PARVB: variants seen among roughly 807,000 people sequenced by gnomAD.
PARVB encodes beta-parvin.
In PARVB, 46 loss-of-function variants were observed where a neutral mutation model predicts 47.0. That is an observed-to-expected ratio of 0.98 (90% confidence interval 0.77 to 1.25). PARVB has a LOEUF of 1.25. Among genes scored for constraint, PARVB ranks in the 50% most tolerant of loss-of-function variants. The probability of loss-of-function intolerance (pLI) is 0.00; values close to 1 mark genes in which losing one functional copy is unlikely to be tolerated. For missense variants in PARVB, 473 were observed against 471.6 expected (o/e 1.00, Z -0.03); for synonymous variants, 196 against 196.3 (o/e 1.00, Z 0.01).
chr22:44,018,652 T>C (rs977466477), intron 2 of PARVB, among the ~76,000 whole-genome samples: 6 of 152,152 alleles, frequency 3.9e-5, no homozygotes, highest in Non-Finnish European at 8.8e-5. Context: ...GTCGAATTGG[T>C]CTCTGGCTCT....
intron 11 of PARVB, among the ~76,000 whole-genome samples, chr22:44,160,196 ACT>A (rs1461842279): frequency 6.6e-6 from 1 of 151,954 alleles, no homozygotes; most frequent in East Asian, 1.9e-4. Flanking sequence ...ATTTTGGGAG[ACT>A]CTGCAGGCTC....
chr22:44,162,558 T>G (rs181666830), intron 11 of PARVB, among the ~76,000 whole-genome samples: 1 of 152,336 alleles, frequency 6.6e-6, no homozygotes, highest in African/African-American at 2.4e-5. Context: ...TGACTTCAAC[T>G]GATCCACCTG....
intron 4 of PARVB, chr22:44,119,790 T>TAA (rs777937325): frequency 1.9e-6 from 1 of 532,946 alleles, no homozygotes. Flanking sequence ...TGGTTACAGT[T>TAA]ACTGTTCAGA....
In PARVB at chr22:44,068,961, C is replaced by A; in HGVS notation, c.113-24967C>A. ...GTCTGTGGTCAGCAAGGAGCTATCG[C>A]TGGAAACACCCCGGTCCTTCCACAG... On this transcript the variant is annotated intron_variant, in intron 1 of 12. Transcript: ENST00000338758. This position sits in a 1 kb window ranked among gnomAD's most constrained non-coding sequence, Gnocchi z 4.1. 1.6e-6 allele frequency: 1 copy of A among 613,468 alleles called. No homozygotes were observed. The highest frequency in any genetic ancestry group is 2.9e-6 in the Non-Finnish European group (1 of 349,882). The allele number at this position is 613,468 out of a possible 1,614,324, so 38.0% of individuals were successfully genotyped here. A position where few individuals can be genotyped will look rare whatever the true frequency, so the allele number is the denominator to read the frequency against.
At chr22:44,047,236 G>A (rs927552977) in intron 1 of PARVB, among the ~76,000 whole-genome samples, 5 of 152,210 alleles carry the variant, frequency 3.3e-5, no homozygotes, top group African/African-American at 1.2e-4. Flanking sequence ...GGCCTCAGGG[G>A]CTTCTCCTCA....
rs2053734120 is a variant in PARVB at position 44,148,421 on chromosome 22, G to A, written c.774+499G>A. ...AAATCTCCGAGGCTCTGGAGTTGGG[G>A]GCTGGGTGTGATCAGCTTCTGGGGG... On this transcript the variant is annotated intron_variant, in intron 9 of 12. Transcript: ENST00000338758. 2.7e-5 allele frequency: 5 copies of A among 188,458 alleles called. No homozygotes were observed. The South Asian group carries it at 4.2e-4, about 16-fold the overall frequency. 11.7% of individuals were successfully genotyped at this position (188,458 alleles called of 1,614,324 possible). A position where few individuals can be genotyped will look rare whatever the true frequency, so the allele number is the denominator to read the frequency against.
In PARVB at chr22:44,007,679, G is replaced by T. The variant is rs973605806; in HGVS notation, c.211+8006G>T. ...ACAGGCTTTAAAAAAGTTTTTTTTT[G>T]GTAAAATGCACATAAAATGTACCAT... On this transcript the variant is annotated intron_variant, in intron 2 of 13. Transcript: ENST00000406477. Among the ~76,000 whole-genome samples, 11 of 151,750 alleles carry T rather than the reference G, an allele frequency of 7.2e-5. No individual in the cohort carries two copies. The East Asian group carries it at 1.9e-3, about 27-fold the overall frequency.
intron 10 of PARVB, among the ~76,000 whole-genome samples, chr22:44,154,211 T>TC (rs1017791725): frequency 1.3e-5 from 2 of 150,764 alleles, no homozygotes; most frequent in African/African-American, 4.9e-5. Context: ...TTCATTTTTT[T>TC]CCCCCCGATT....
rs117029689 is a variant in PARVB at position 44,139,767 on chromosome 22, C to T, written c.693-357C>T. The stretch of plus-strand genomic sequence containing the variant: ...TGCCCGGCCCAGCCTGTGTTTTGAG[C>T]GTTCCACGGCTGCTGGAAGACCTGT... On this transcript the variant is annotated intron_variant, in intron 7 of 12. Transcript: ENST00000338758. 7.7e-4 allele frequency: 203 copies of T among 264,836 alleles called. 6 individuals are homozygous for T. In the East Asian group the frequency reaches 0.011, roughly 14 times the overall value. The allele number at this position is 264,836 out of a possible 1,614,324, so 16.4% of individuals were successfully genotyped here.
intron 2 of PARVB, among the ~76,000 whole-genome samples, chr22:44,017,349 T>C (rs2050594449): frequency 6.6e-6 from 1 of 152,186 alleles, no homozygotes; most frequent in Non-Finnish European, 1.5e-5. Flanking sequence ...ATGATAAACT[T>C]TACCAAGAAG....
At chr22:44,019,108 G>C (rs1210965513) in intron 2 of PARVB, among the ~76,000 whole-genome samples, 1 of 152,046 alleles carries the variant, frequency 6.6e-6, no homozygotes. Context: ...GTAGAGACAG[G>C]GTTCCACCAT....
At position 44,068,954 on chromosome 22, in the gene PARVB, G is replaced by A; in HGVS notation, c.113-24974G>A. On this transcript the variant is annotated intron_variant, in intron 1 of 12. Coordinates refer to ENST00000338758, the MANE Select transcript of PARVB (RefSeq NM_013327.5). This position sits in a 1 kb window ranked among gnomAD's most constrained non-coding sequence, Gnocchi z 4.1. The stretch of plus-strand genomic sequence containing the variant: ...AATAGTGGTCTGTGGTCAGCAAGGA[G>A]CTATCGCTGGAAACACCCCGGTCCT... 1 of 601,084 alleles carries A rather than the reference G, an allele frequency of 1.7e-6. No homozygotes were observed. The highest frequency in any genetic ancestry group is 2.9e-6 in the Non-Finnish European group (1 of 339,374). 37.2% of individuals were successfully genotyped at this position (601,084 alleles called of 1,614,324 possible). A position where few individuals can be genotyped will look rare whatever the true frequency, so the allele number is the denominator to read the frequency against.
intron 1 of PARVB, among the ~76,000 whole-genome samples, chr22:44,066,819 C>CTCCTCCTCCTCCTCCTCCTCCTCCTT: frequency 6.9e-6 from 1 of 145,604 alleles, no homozygotes; most frequent in African/African-American, 2.6e-5. Context: ...TCCTCCTCCT[C>CTCCTCCTCCTCCTCCTCCTCCTCCTT]CTCTTCCTCC....
chr22:44,058,762 G>A (rs5764494), intron 1 of PARVB, among the ~76,000 whole-genome samples: 11 of 151,800 alleles, frequency 7.2e-5, no homozygotes, highest in Non-Finnish European at 1.6e-4. Flanking sequence ...ACTCTGTTGC[G>A]CAGGGTGGTC....
At chr22:44,107,781 A>AG (rs1188998412) in intron 3 of PARVB, 1 of 152,150 alleles carries the variant, frequency 6.6e-6, no homozygotes, top group African/African-American at 2.4e-5. Context: ...GAGGTGCTGG[A>AG]GGGGGACACG....
intron 1 of PARVB, among the ~76,000 whole-genome samples, chr22:44,030,785 C>G (rs2050812356): frequency 6.6e-6 from 1 of 152,126 alleles, no homozygotes; most frequent in African/African-American, 2.4e-5. Context: ...GGAGTGTGGT[C>G]TCTTTTGGAC....
chr22:44,044,537 G>A (rs143949066), intron 1 of PARVB, among the ~76,000 whole-genome samples: 8 of 152,232 alleles, frequency 5.3e-5, no homozygotes, highest in African/African-American at 1.9e-4. Context: ...CCAGGCTGGA[G>A]TGCAGTGGCA....
chr22:44,131,438 G>A (rs199641904), intron 4 of PARVB, 49 bp from the exon 5 acceptor site: 6 of 1,599,842 alleles, frequency 3.8e-6, no homozygotes, highest in African/African-American at 2.7e-5. Context: ...CACTGCGCCT[G>A]GCCCTTCCAG....
intron 10 of PARVB, among the ~76,000 whole-genome samples, chr22:44,154,501 T>G (rs577160061): frequency 4.9e-4 from 73 of 149,500 alleles, no homozygotes; most frequent in South Asian, 4.5e-3. Context: ...CTGTTGGGGG[T>G]GTGTGTGTGT....
Sources: gnomAD v4.1 joint callset for allele counts (sites outside exome capture counted in the v4.1 genomes callset) on GRCh38, gnomAD v4.1.1 for gene constraint, Gnocchi (gnomAD v3.1) non-coding constraint, MANE v1.5 for transcripts, NCBI Gene and HGNC (gene_info 2026-07-23, HGNC 2026-07-21) for gene names.